IGFL2: variants seen among roughly 807,000 people sequenced by gnomAD.
The protein encoded by IGFL2 is insulin growth factor-like family member 2.
A neutral mutation model predicts 13.9 loss-of-function variants in IGFL2; 7 were observed. The observed-to-expected ratio is 0.51, with a 90% CI of 0.29 to 0.95. The LOEUF (loss-of-function observed/expected upper bound fraction) is 0.95. Among genes scored for constraint, IGFL2 ranks in the 40% least tolerant of loss-of-function variants. The pLI, the probability that IGFL2 is intolerant of heterozygous loss-of-function variation, is 0.08. For missense variants in IGFL2, 138 were observed against 147.8 expected (o/e 0.93, Z 0.34); for synonymous variants, 55 against 55.8 (o/e 0.99, Z 0.07).
upstream of IGFL2, among the ~76,000 whole-genome samples, chr19:46,146,281 T>C (rs1291398811): frequency 6.6e-6 from 1 of 152,204 alleles, no homozygotes; most frequent in African/African-American, 2.4e-5. Flanking sequence ...GGTTTATTTC[T>C]GGAACCTATT....
chr19:46,122,884 G>C, the IGFL2 span, among the ~76,000 whole-genome samples: 1 of 150,804 alleles, frequency 6.6e-6, no homozygotes, highest in African/African-American at 2.5e-5. Flanking sequence ...TAGTCTACTT[G>C]ATTAAAATGT....
At chr19:46,191,459 G>A in the IGFL2 span, among the ~76,000 whole-genome samples, 1 of 152,176 alleles carries the variant, frequency 6.6e-6, no homozygotes, top group South Asian at 2.1e-4. Context: ...GAAGGAAGGT[G>A]GACAGGACTA....
chr19:46,215,238 T>G, the IGFL2 span, among the ~76,000 whole-genome samples: 1 of 152,206 alleles, frequency 6.6e-6, no homozygotes, highest in Non-Finnish European at 1.5e-5. Context: ...TTATGGTGAA[T>G]TTTACTAACT....
chr19:46,083,577 T>C, the IGFL2 span, among the ~76,000 whole-genome samples: 1 of 152,174 alleles, frequency 6.6e-6, no homozygotes, highest in Non-Finnish European at 1.5e-5. Context: ...TTTCTGAACA[T>C]ACACAACATT....
At chr19:46,211,658 C>G in the IGFL2 span, 3 of 152,170 alleles carry the variant, frequency 2.0e-5, no homozygotes, top group Non-Finnish European at 4.4e-5. Flanking sequence ...CTTCCTGGAT[C>G]CAAGCAAGAC....
At chr19:46,202,553 C>T in the IGFL2 span, 1 of 152,188 alleles carries the variant, frequency 6.6e-6, no homozygotes, top group African/African-American at 2.4e-5. Flanking sequence ...GGAGGTGGTA[C>T]TTGCCACCAA....
the IGFL2 span, among the ~76,000 whole-genome samples, chr19:46,122,528 G>A: frequency 7.9e-5 from 12 of 150,960 alleles, 1 homozygote; most frequent in Admixed American, 2.6e-4. Context: ...ATAGTCAACA[G>A]TTTTAGCACA....
chr19:46,179,137 A>G, the IGFL2 span, among the ~76,000 whole-genome samples: 19,599 of 135,662 alleles, frequency 0.14, 2,190 homozygotes, highest in African/African-American at 0.33. Context: ...AGAGGCAGGG[A>G]TGCAGGGGTC....
chr19:46,194,848 ATATATTT>A, the IGFL2 span, among the ~76,000 whole-genome samples: 7 of 33,964 alleles, frequency 2.1e-4, no homozygotes, highest in African/African-American at 6.7e-4. Flanking sequence ...ATATATATAT[ATATATTT>A]TTTTTTTTTT....
chr19:46,169,387 A>G, the IGFL2 span, among the ~76,000 whole-genome samples: 1 of 152,214 alleles, frequency 6.6e-6, no homozygotes, highest in South Asian at 2.1e-4. Context: ...TGACCATAAA[A>G]ATACAAAGTA....
the IGFL2 span, among the ~76,000 whole-genome samples, chr19:46,093,194 TTGA>T: frequency 6.6e-6 from 1 of 152,310 alleles, no homozygotes; most frequent in East Asian, 1.9e-4. Flanking sequence ...AGTTGGACAC[TTGA>T]TGAGGAAATT....
intron 1 of IGFL2, chr19:46,149,138 A>ATC (rs868274734): frequency 2.6e-6 from 2 of 764,880 alleles, no homozygotes; most frequent in South Asian, 1.5e-5. Flanking sequence ...TTGGGCAACC[A>ATC]TCTCTCTCTC....
Position 46,160,987 on chromosome 19 carries a change from T to C in IGFL2, c.342-83T>C, listed in dbSNP as rs1396818594. On this transcript the variant is annotated intron_variant, in intron 3 of 3. Coordinates refer to ENST00000377693, the MANE Select transcript of IGFL2 (RefSeq NM_001135113.2). ...CTTTTGAAGAGCCCTGGCCCTGTAG[T>C]CTAATCTCTAGCAGTTTCTCAAATA... 1.9e-6 allele frequency: 3 copies of C among 1,540,290 alleles called. No homozygotes were observed. In the Admixed American group the frequency reaches 5.5e-5, roughly 28 times the overall value.
chr19:46,102,936 T>C, the IGFL2 span, among the ~76,000 whole-genome samples: 4 of 152,060 alleles, frequency 2.6e-5, no homozygotes, highest in Non-Finnish European at 5.9e-5. Context: ...GATTTTGGGG[T>C]AAGGGGTGAT....
the IGFL2 span, among the ~76,000 whole-genome samples, chr19:46,131,021 C>T: frequency 6.6e-6 from 1 of 152,140 alleles, no homozygotes; most frequent in East Asian, 1.9e-4. Flanking sequence ...ACTTAAAGTT[C>T]TATGAATAGT....
At chr19:46,151,906 G>T (rs533994129) in intron 1 of IGFL2, among the ~76,000 whole-genome samples, 1 of 152,114 alleles carries the variant, frequency 6.6e-6, no homozygotes, top group Admixed American at 6.5e-5. Context: ...AGTGACACTT[G>T]ATCTCACAAA....
chr19:46,185,798 G>A, the IGFL2 span, among the ~76,000 whole-genome samples: 49 of 152,252 alleles, frequency 3.2e-4, 1 homozygote, highest in African/African-American at 1.0e-3. Flanking sequence ...CATGAAATGG[G>A]TTTGATTTAC....
At chr19:46,085,531 TG>T in the IGFL2 span, among the ~76,000 whole-genome samples, 4 of 152,218 alleles carry the variant, frequency 2.6e-5, no homozygotes, top group African/African-American at 9.6e-5. Flanking sequence ...TAATTTGAGA[TG>T]GGTCTCTTGA....
At chr19:46,172,954 T>A in the IGFL2 span, among the ~76,000 whole-genome samples, 1 of 152,180 alleles carries the variant, frequency 6.6e-6, no homozygotes, top group Admixed American at 6.5e-5. Context: ...CTATGTAATA[T>A]AGGTTTATAT....
Sources: gnomAD v4.1 joint callset for allele counts (sites outside exome capture counted in the v4.1 genomes callset) on GRCh38, gnomAD v4.1.1 for gene constraint, MANE v1.5 for transcripts, NCBI Gene and HGNC (gene_info 2026-07-23, HGNC 2026-07-21) for gene names.